The following FANCA variants were observed in gnomAD, a reference collection of about 807,000 sequenced individuals.
The protein encoded by FANCA is FA complementation group A.
FANCA carries 236 observed loss-of-function variants against 194.3 expected under a neutral mutation model. The observed-to-expected ratio is 1.21, with a 90% CI of 1.09 to 1.35. The LOEUF (loss-of-function observed/expected upper bound fraction) is 1.35. Among genes scored for constraint, FANCA ranks in the 40% most tolerant of loss-of-function variants. The pLI is 0.00. For synonymous variants in FANCA, 1,014 were observed against 715.8 expected, an observed-to-expected ratio of 1.42 and a Z score of -6.65; for missense variants, 2,628 against 1,813.9, an observed-to-expected ratio of 1.45 and a Z score of -8.15.
chr16:89,770,740 A>G, intron 23 of FANCA, 106 bp from the exon 24 acceptor site: 1 of 982,024 alleles, frequency 1.0e-6, no homozygotes, highest in Middle Eastern at 2.0e-4. Flanking sequence ...GCTTTGCAAA[A>G]AGACCTCCAA....
rs776301232 is a variant in FANCA, at chr16:89,770,157, G to C, written c.2316+9C>G. 10 of 1,583,164 alleles carry C rather than the reference G, an allele frequency of 6.3e-6. No homozygotes were observed. The Admixed American group carries it at 1.7e-4, about 26-fold the overall frequency. On this transcript the variant is annotated intron_variant, in intron 25 of 42. Coordinates refer to ENST00000389301, the MANE Select transcript of FANCA (RefSeq NM_000135.4). The stretch of plus-strand genomic sequence containing the variant: ...CCCCAAGGGTGGCCCCCATGAAGGA[G>C]AGCCTCACCTGGTGACGGAGCAGCT...
At chr16:89,758,784 T>A in intron 29 of FANCA, 79 bp from the exon 30 acceptor site, 1 of 1,591,602 alleles carries the variant, frequency 6.3e-7, no homozygotes, top group Non-Finnish European at 8.6e-7. Context: ...AATAGGCCCA[T>A]AGTAAGGGAC....
chr16:89,754,101 A>C (rs1184532457), intron 30 of FANCA, among the ~76,000 whole-genome samples: 1 of 152,000 alleles, frequency 6.6e-6, no homozygotes, highest in Non-Finnish European at 1.5e-5. Flanking sequence ...GGGTGCCTGT[A>C]ATCCCAGCTA....
At chr16:89,791,582 G>A in intron 13 of FANCA, 46 bp from the exon 14 acceptor site, 3 of 1,611,418 alleles carry the variant, frequency 1.9e-6, no homozygotes, top group Non-Finnish European at 2.5e-6. Context: ...AGGGCAGCCA[G>A]CAGGAACATG....
At chr16:89,792,393 G>A (rs1410781887) in intron 12 of FANCA, 78 bp downstream of exon 12, 3 of 1,450,852 alleles carry the variant, frequency 2.1e-6, no homozygotes, top group Non-Finnish European at 1.9e-6. Context: ...TCCACGGCAG[G>A]CAGCATGACA....
At chr16:89,765,403 G>C (rs1272135969) in intron 27 of FANCA, among the ~76,000 whole-genome samples, 1 of 152,096 alleles carries the variant, frequency 6.6e-6, no homozygotes. Context: ...CCTCAGTCCA[G>C]CCCCTGGAAG....
intron 14 of FANCA, among the ~76,000 whole-genome samples, chr16:89,786,426 C>A (rs1216884529): frequency 2.6e-5 from 4 of 152,116 alleles, no homozygotes; most frequent in African/African-American, 9.7e-5. Context: ...CAGGTGATAC[C>A]TTGGCCTCCC....
chr16:89,790,421 A>T (rs200219347), intron 14 of FANCA, among the ~76,000 whole-genome samples: 1 of 47,366 alleles, frequency 2.1e-5, no homozygotes, highest in Admixed American at 2.6e-4. Flanking sequence ...AATAAATAAA[A>T]TAAATAAATA....
At chr16:89,786,263 A>C (rs2143487443) in intron 14 of FANCA, among the ~76,000 whole-genome samples, 1 of 152,094 alleles carries the variant, frequency 6.6e-6, no homozygotes, top group South Asian at 2.1e-4. Context: ...GGCTTACCGT[A>C]ACCTCCGCCT....
chr16:89,757,728 A>G (rs991310630), intron 30 of FANCA, among the ~76,000 whole-genome samples: 2 of 152,176 alleles, frequency 1.3e-5, no homozygotes, highest in South Asian at 2.1e-4. Flanking sequence ...TCTGGCCCAC[A>G]TGCAACACCT....
At chr16:89,757,773 T>C (rs2038813709) in intron 30 of FANCA, among the ~76,000 whole-genome samples, 1 of 152,216 alleles carries the variant, frequency 6.6e-6, no homozygotes, top group African/African-American at 2.4e-5. Context: ...CCCTCTCAGA[T>C]GGAGAGAGGC....
chr16:89,742,408 C>T (rs574188764), intron 37 of FANCA, among the ~76,000 whole-genome samples: 2 of 151,968 alleles, frequency 1.3e-5, no homozygotes, highest in South Asian at 4.2e-4. Flanking sequence ...GAGCTGACTG[C>T]ACCACTGCAC....
intron 6 of FANCA, among the ~76,000 whole-genome samples, chr16:89,805,895 T>C (rs758203413): frequency 2.0e-5 from 3 of 152,138 alleles, no homozygotes; most frequent in Non-Finnish European, 4.4e-5. Flanking sequence ...AATTTATTCC[T>C]CTTTGTTTTA....
intron 5 of FANCA, among the ~76,000 whole-genome samples, chr16:89,810,380 A>C (rs1156495333): frequency 1.3e-5 from 2 of 149,508 alleles, no homozygotes; most frequent in Admixed American, 6.6e-5. Context: ...CTCTGGAAAA[A>C]AAAATTACAT....
intron 14 of FANCA, among the ~76,000 whole-genome samples, chr16:89,787,277 A>G (rs2039929669): frequency 6.6e-6 from 1 of 152,056 alleles, no homozygotes; most frequent in Non-Finnish European, 1.5e-5. Context: ...TGATCCCAAC[A>G]CTTTGGGAGG....
intron 20 of FANCA, among the ~76,000 whole-genome samples, chr16:89,777,342 G>A (rs541780934): frequency 6.6e-5 from 10 of 152,242 alleles, no homozygotes; most frequent in African/African-American, 2.2e-4. Flanking sequence ...TGACTGCACC[G>A]CTGCATTCCA....
intron 7 of FANCA, among the ~76,000 whole-genome samples, chr16:89,804,686 C>T (rs925523204): frequency 6.6e-6 from 1 of 152,196 alleles, no homozygotes; most frequent in Admixed American, 6.5e-5. Context: ...GGTCTCTCAG[C>T]ACCTTCTTAG....
At position 89,811,068 on chromosome 16, in the gene FANCA, G is replaced by T. The variant is rs940475771; in HGVS notation, c.287C>A (p.Ser96Tyr). 2 of 1,613,892 alleles carry T rather than the reference G, an allele frequency of 1.2e-6. No homozygotes were observed. Among genetic ancestry groups the T allele is most frequent in the Non-Finnish European group, 1.7e-6 (2 of 1,180,054 alleles). ...CCTTGAGGCTTGATCCTGCAAAGCA[G>T]AGCCTTAAACACAAAACAAAACCAT... Reference protein sequence around the residue: ...YANHSSSFIGSALQDQASRLG... With the variant: ...YANHSSSFIGYALQDQASRLG... Residue 96 changes from serine to tyrosine, a missense_variant, in exon 4 of 43, where the codon TCT becomes TAT. Ser to Tyr is a moderately radical substitution (Grantham distance 144, BLOSUM62 -2). Coordinates refer to ENST00000389301, the MANE Select transcript of FANCA (RefSeq NM_000135.4).
In FANCA at chr16:89,744,952, C is replaced by T. The variant is rs933657325; in HGVS notation, c.3626+7G>A. On this transcript the variant is annotated splice_region_variant and intron_variant, in intron 36 of 42. Coordinates refer to ENST00000389301, the MANE Select transcript of FANCA (RefSeq NM_000135.4). ...CGGGCACACCCCATCTCACCACCCA[C>T]ACGTACTCGCTGGCAAACTGCCGGC... The T allele has an allele frequency of 5.0e-5, 80 of 1,611,150 alleles. No individual in the cohort carries two copies. Among genetic ancestry groups the T allele is most frequent in the Non-Finnish European group, 5.8e-5 (68 of 1,179,606 alleles).
Sources: gnomAD v4.1 joint callset for allele counts (sites outside exome capture counted in the v4.1 genomes callset) on GRCh38, gnomAD v4.1.1 for gene constraint, MANE v1.5 for transcripts, NCBI Gene and HGNC (gene_info 2026-07-23, HGNC 2026-07-21) for gene names.